The following DAB1 variants were observed in gnomAD, a reference collection of about 807,000 sequenced individuals.
DAB1 encodes the protein disabled homolog 1.
DAB1 carries 15 observed loss-of-function variants against 64.6 expected under a neutral mutation model. That is an observed-to-expected ratio of 0.23 (90% CI 0.16 to 0.36). The LOEUF is 0.36. Ranked by LOEUF, DAB1 falls within the 10% of genes least tolerant of loss-of-function variation. DAB1 has a pLI of 1.00. For missense variants in DAB1, 596 were observed against 706.7 expected, an observed-to-expected ratio of 0.84 and a Z score of 1.78; for synonymous variants, 235 against 251.9, an observed-to-expected ratio of 0.93 and a Z score of 0.64.
intron 7 of DAB1, among the ~76,000 whole-genome samples, chr1:57,470,759 G>A (rs1687108098): frequency 6.6e-6 from 1 of 152,104 alleles, no homozygotes. Context: ...TTAAAAATCA[G>A]CACAAAAGAG....
At chr1:58,379,265 T>C (rs1247596570) in intron 3 of DAB1, among the ~76,000 whole-genome samples, 3 of 152,228 alleles carry the variant, frequency 2.0e-5, no homozygotes, top group South Asian at 4.1e-4. Context: ...TCAGTGATTA[T>C]ATACACATGG....
At chr1:58,154,770 G>A (rs74075935) in intron 4 of DAB1, among the ~76,000 whole-genome samples, 28,455 of 152,030 alleles carry the variant, frequency 0.19, 2,842 homozygotes, top group East Asian at 0.37. Context: ...GAAGGAAAGC[G>A]TTGGTGGGGA....
At chr1:57,716,478 A>G (rs1647085434) in intron 6 of DAB1, among the ~76,000 whole-genome samples, 1 of 152,180 alleles carries the variant, frequency 6.6e-6, no homozygotes, top group Non-Finnish European at 1.5e-5. Flanking sequence ...GCGAAAATAC[A>G]CATTGGGGAA....
At chr1:58,167,986 T>C (rs1557679730) in intron 4 of DAB1, among the ~76,000 whole-genome samples, 1 of 152,172 alleles carries the variant, frequency 6.6e-6, no homozygotes, top group Non-Finnish European at 1.5e-5. Flanking sequence ...AAGGAACCAA[T>C]TCTGGACACA....
At position 57,947,561 on chromosome 1, in the gene DAB1, C is replaced by T. The variant is rs554956356; in HGVS notation, n.388-63399G>A. 3.3e-5 allele frequency among the ~76,000 whole-genome samples: 5 copies of T among 152,260 alleles called. No homozygotes were observed. The South Asian group carries it at 6.2e-4, about 19-fold the overall frequency. Reference sequence around the variant, plus strand: ...CAAAAGTATTCTAGACCTTGCCAAACGTCCCGTGGAAAGAAAACTCTCTCC... The same window carrying T: ...CAAAAGTATTCTAGACCTTGCCAAATGTCCCGTGGAAAGAAAACTCTCTCC... On this transcript the variant is annotated intron_variant and non_coding_transcript_variant, in intron 5 of 20. Coordinates refer to the DAB1 transcript ENST00000485760.
At chr1:58,537,432 T>C (rs191184435) in intron 1 of DAB1, among the ~76,000 whole-genome samples, 1 of 152,288 alleles carries the variant, frequency 6.6e-6, no homozygotes, top group East Asian at 1.9e-4. Flanking sequence ...TCCACTATCC[T>C]CTTTACAACG....
chr1:58,366,940 T>C (rs941863559), intron 3 of DAB1, among the ~76,000 whole-genome samples: 1 of 152,252 alleles, frequency 6.6e-6, no homozygotes, highest in African/African-American at 2.4e-5. Flanking sequence ...ACACAGATTT[T>C]CAAACAATAT....
chr1:57,086,539 C>T (rs1653088934), intron 4 of DAB1, among the ~76,000 whole-genome samples: 2 of 152,176 alleles, frequency 1.3e-5, no homozygotes, highest in South Asian at 4.2e-4. Flanking sequence ...GAAGATAAAT[C>T]CTGCCTCCCC....
At chr1:58,506,349 C>T in intron 2 of DAB1, 3 of 551,938 alleles carry the variant, frequency 5.4e-6, no homozygotes, top group Middle Eastern at 5.0e-4. Flanking sequence ...AGGTTTGTTA[C>T]ATACGTATAC....
chr1:58,086,130 A>AT, intron 5 of DAB1, among the ~76,000 whole-genome samples: 1 of 149,968 alleles, frequency 6.7e-6, no homozygotes, highest in South Asian at 2.1e-4. Context: ...CGCCCGGCTA[A>AT]TTTTTTGTAT....
intron 4 of DAB1, among the ~76,000 whole-genome samples, chr1:58,170,325 T>G (rs995871119): frequency 6.6e-6 from 1 of 152,186 alleles, no homozygotes; most frequent in African/African-American, 2.4e-5. Flanking sequence ...AAAATCCTTC[T>G]GCCTTCCTCG....
chr1:58,358,953 A>AACACACACACACACACAC (rs57077530), intron 3 of DAB1, among the ~76,000 whole-genome samples: 14,841 of 123,604 alleles, frequency 0.12, 1,036 homozygotes, highest in Middle Eastern at 0.17. Flanking sequence ...CTCTCTCTGT[A>AACACACACACACACACAC]ACACACACAC....
chr1:57,594,804 G>A (rs1018217424), intron 7 of DAB1, among the ~76,000 whole-genome samples: 4 of 152,068 alleles, frequency 2.6e-5, no homozygotes, highest in East Asian at 1.9e-4. Context: ...TCCGCCTCCC[G>A]GGTTCACGCC....
At chr1:57,738,950 A>G (rs1280590123) in intron 6 of DAB1, among the ~76,000 whole-genome samples, 1 of 152,226 alleles carries the variant, frequency 6.6e-6, no homozygotes. Context: ...CCTAAATGGT[A>G]AAGTGCACAG....
intron 7 of DAB1, among the ~76,000 whole-genome samples, chr1:57,506,034 T>A (rs913674689): frequency 6.6e-6 from 1 of 152,210 alleles, no homozygotes; most frequent in Non-Finnish European, 1.5e-5. Flanking sequence ...GAACAATATT[T>A]CATTTTTTCA....
At chr1:57,494,547 TC>T (rs1644206783) in intron 7 of DAB1, among the ~76,000 whole-genome samples, 1 of 152,176 alleles carries the variant, frequency 6.6e-6, no homozygotes, top group South Asian at 2.1e-4. Flanking sequence ...TTGTGATGAG[TC>T]CCCATAGAAG....
intron 4 of DAB1, among the ~76,000 whole-genome samples, chr1:57,130,523 C>T (rs57372734): frequency 0.033 from 5,031 of 151,772 alleles, 178 homozygotes; most frequent in East Asian, 0.16. Context: ...GTGGTACCAG[C>T]GAATGAATAT....
intron 1 of DAB1, among the ~76,000 whole-genome samples, chr1:57,295,917 T>C (rs1673159989): frequency 6.6e-6 from 1 of 152,068 alleles, no homozygotes; most frequent in African/African-American, 2.4e-5. Flanking sequence ...TTATGTTAAA[T>C]GGGCATCATA....
At chr1:57,101,401 G>A (rs1409301443) in intron 4 of DAB1, among the ~76,000 whole-genome samples, 3 of 152,222 alleles carry the variant, frequency 2.0e-5, no homozygotes, top group Non-Finnish European at 4.4e-5. Context: ...TTAAATGTGT[G>A]AGTTAATAAT....
Sources: gnomAD v4.1 joint callset for allele counts (sites outside exome capture counted in the v4.1 genomes callset) on GRCh38, gnomAD v4.1.1 for gene constraint, MANE v1.5 for transcripts, NCBI Gene and HGNC (gene_info 2026-07-23, HGNC 2026-07-21) for gene names.